USH2A: variants seen among roughly 807,000 people sequenced by gnomAD.
The protein encoded by USH2A is usherin, also known as Usher syndrome 2A (autosomal recessive, mild).
In USH2A, 443 loss-of-function variants were observed where a neutral mutation model predicts 538.9. The ratio of observed to expected loss-of-function variants is 0.82; its 90% confidence interval spans 0.76 to 0.89. The LOEUF is 0.89. USH2A is among the 40% of genes least tolerant of loss of function. The probability of loss-of-function intolerance (pLI) is 0.00; values close to 1 mark genes in which losing one functional copy is unlikely to be tolerated. For synonymous variants in USH2A, 2,413 were observed against 2,273.5 expected (o/e 1.06, Z -1.75); for missense variants, 6,633 against 6,324.8 (o/e 1.05, Z -1.65).
chr1:215,663,852 G>A (rs549020420), intron 64 of USH2A, among the ~76,000 whole-genome samples: 108 of 152,294 alleles, frequency 7.1e-4, no homozygotes, highest in African/African-American at 2.6e-3. Flanking sequence ...TGAGTCCAAT[G>A]CTATATCTAT....
intron 64 of USH2A, among the ~76,000 whole-genome samples, chr1:215,659,261 T>C (rs1235890458): frequency 6.6e-6 from 1 of 152,140 alleles, no homozygotes; most frequent in East Asian, 1.9e-4. Context: ...AAGTACCAGA[T>C]GAAGATCTGA....
chr1:215,845,784 C>T (rs372993690), intron 45 of USH2A, 40 bp downstream of exon 45: 51 of 1,586,904 alleles, frequency 3.2e-5, no homozygotes, highest in Middle Eastern at 4.0e-4. Context: ...CAATTTCATT[C>T]GCATCTCTGA....
At chr1:216,114,993 T>A (rs779714910) in intron 21 of USH2A, among the ~76,000 whole-genome samples, 7 of 152,206 alleles carry the variant, frequency 4.6e-5, no homozygotes, top group Non-Finnish European at 1.0e-4. Flanking sequence ...TCTATTTATA[T>A]CTGTATCCGT....
In USH2A at chr1:216,196,742, C is replaced by T. The variant is rs2034855435; in HGVS notation, c.4082-20G>A. Reference sequence around the variant, plus strand: ...CAGGTGCTATCAATGAGAACAATAACAATAACATCAAAACAATGAATGTCG... The same window carrying T: ...CAGGTGCTATCAATGAGAACAATAATAATAACATCAAAACAATGAATGTCG... On this transcript the variant is annotated intron_variant, in intron 18 of 71. Coordinates refer to ENST00000307340, the MANE Select transcript of USH2A (RefSeq NM_206933.4). 1 of 1,609,682 alleles carries T rather than the reference C, an allele frequency of 6.2e-7. No homozygotes were observed. The highest frequency in any genetic ancestry group is 8.5e-7 in the Non-Finnish European group (1 of 1,177,504).
At chr1:216,215,286 G>A (rs145699666) in intron 15 of USH2A, among the ~76,000 whole-genome samples, 1,972 of 152,156 alleles carry the variant, frequency 0.013, 49 homozygotes, top group African/African-American at 0.046. Flanking sequence ...AATTTTAAAT[G>A]AAAATATTTC....
chr1:216,241,699 T>C (rs1057115447), intron 13 of USH2A, among the ~76,000 whole-genome samples: 2 of 152,132 alleles, frequency 1.3e-5, no homozygotes, highest in Admixed American at 1.3e-4. Context: ...CATGCCCAGC[T>C]AATTTTGTAT....
intron 47 of USH2A, among the ~76,000 whole-genome samples, chr1:215,836,478 ATAATATATATTATATATATAATATATATT>A (rs1663497812): frequency 2.0e-4 from 1 of 4,954 alleles, no homozygotes; most frequent in Non-Finnish European, 5.5e-4. Context: ...ATATATATAT[ATAATATATATTATATATATAATATATATT>A]ATATATATAT....
At chr1:215,929,879 T>TTTTC (rs1367985264) in intron 38 of USH2A, among the ~76,000 whole-genome samples, 1 of 151,998 alleles carries the variant, frequency 6.6e-6, no homozygotes, top group Non-Finnish European at 1.5e-5. Context: ...TTCCTAATGG[T>TTTTC]TTTCTTTCTT....
chr1:216,416,681 T>C (rs2039582423), intron 3 of USH2A, among the ~76,000 whole-genome samples: 2 of 152,142 alleles, frequency 1.3e-5, no homozygotes, highest in African/African-American at 2.4e-5. Flanking sequence ...CTAAGAGCAT[T>C]TTATCCCCAA....
At chr1:215,664,227 T>G (rs916048376) in intron 64 of USH2A, among the ~76,000 whole-genome samples, 37 of 152,220 alleles carry the variant, frequency 2.4e-4, no homozygotes, top group African/African-American at 8.7e-4. Flanking sequence ...TGAGACTTAT[T>G]TGTAGCTAAC....
In USH2A at chr1:216,292,389, G is replaced by T; in HGVS notation, c.1645-19C>A. 1.2e-6 allele frequency: 2 copies of T among 1,610,792 alleles called. No individual in the cohort carries two copies. The highest frequency in any genetic ancestry group is 1.3e-5 in the African/African-American group (1 of 74,872). On this transcript the variant is annotated intron_variant, in intron 9 of 71. Coordinates refer to ENST00000307340, the MANE Select transcript of USH2A (RefSeq NM_206933.4). ...GATCACACTAGAACAAAAAATATCA[G>T]AACAGTAAAGAAAATAAAGCTGTGA...
chr1:215,856,832 G>GGTGTGTGTGTGTGTGT (rs71159889), intron 44 of USH2A, among the ~76,000 whole-genome samples: 3 of 141,896 alleles, frequency 2.1e-5, no homozygotes, highest in Non-Finnish European at 4.6e-5. Context: ...AAAAAAATTT[G>GGTGTGTGTGTGTGTGT]GTGTGTGTGT....
At chr1:216,117,825 T>C (rs993323394) in intron 21 of USH2A, among the ~76,000 whole-genome samples, 39 of 140,478 alleles carry the variant, frequency 2.8e-4, no homozygotes, top group African/African-American at 8.1e-4. Flanking sequence ...TATATATATA[T>C]ACACAGATAT....
chr1:215,825,319 G>A lies in USH2A; in HGVS notation c.9372-8124C>T, dbSNP rs562239531. Among the ~76,000 whole-genome samples, 7 of 152,126 alleles carry A rather than the reference G, an allele frequency of 4.6e-5. 1 individual carries two copies. The South Asian group carries it at 6.2e-4, about 14-fold the overall frequency. The stretch of plus-strand genomic sequence containing the variant: ...CTGACTCAGCCTCCCAACTAGTTAG[G>A]ATTACAGATGCATTTCACCCTCCCC... On this transcript the variant is annotated intron_variant, in intron 47 of 71. Transcript: ENST00000307340.
chr1:216,354,978 A>G (rs994647609), intron 4 of USH2A, among the ~76,000 whole-genome samples: 2 of 152,116 alleles, frequency 1.3e-5, no homozygotes, highest in Non-Finnish European at 2.9e-5. Flanking sequence ...TGATAACATG[A>G]AAGATAAAAA....
At chr1:216,010,324 C>A (rs1441894917) in intron 32 of USH2A, among the ~76,000 whole-genome samples, 3 of 152,134 alleles carry the variant, frequency 2.0e-5, no homozygotes, top group Non-Finnish European at 4.4e-5. Context: ...TTCCTGCAGC[C>A]CAGGATTCCT....
rs766952595 is a variant in USH2A, at chr1:216,084,855, C to T, written c.5010G>A (p.Val1670=). 1 of 1,613,162 alleles carries T rather than the reference C, an allele frequency of 6.2e-7. No homozygotes were observed. Among genetic ancestry groups the T allele is most frequent in the Non-Finnish European group, 8.5e-7 (1 of 1,179,552 alleles). The change falls in exon 25 of 72, where the codon GTG becomes GTA. Residue 1670 remains valine, a synonymous_variant. Coordinates refer to ENST00000307340, the MANE Select transcript of USH2A (RefSeq NM_206933.4). ...KDPEIIQKGF[V]GCLKDVHFMK... ...TAAAATGTACATCCTTGAGACAGCC[C>T]ACAAAACCTTTTTGGATTATCTCTG...
chr1:215,790,473 C>A (rs1008034454), intron 50 of USH2A, among the ~76,000 whole-genome samples, 191 bp from the exon 51 acceptor site: 2 of 152,100 alleles, frequency 1.3e-5, no homozygotes, highest in African/African-American at 2.4e-5. Context: ...GCACTAGACA[C>A]TAATTAGGAA....
intron 60 of USH2A, among the ~76,000 whole-genome samples, 198 bp from the exon 61 acceptor site, chr1:215,728,582 G>GAC (rs1311988583): frequency 2.0e-4 from 30 of 148,572 alleles, no homozygotes; most frequent in African/African-American, 4.7e-4. Context: ...AAGTGTAGTT[G>GAC]ACACACACAC....
Sources: allele counts gnomAD v4.1 joint callset (sites outside exome capture counted in the v4.1 genomes callset), GRCh38; gene constraint gnomAD v4.1.1; transcripts MANE v1.5; gene names NCBI Gene and HGNC (gene_info 2026-07-23, HGNC 2026-07-21).